Variants in RASSF3 observed in about 807,000 individuals in gnomAD.
RASSF3 encodes ras association domain-containing protein 3.
Under a neutral mutation model 19.9 loss-of-function variants are expected in RASSF3, and 19 were observed. The observed-to-expected ratio is 0.96, with a 90% CI of 0.67 to 1.40. The LOEUF (loss-of-function observed/expected upper bound fraction) is 1.40. RASSF3 is among the 40% of genes most tolerant of loss of function. The pLI, the probability that RASSF3 is intolerant of heterozygous loss-of-function variation, is 0.00. For synonymous variants in RASSF3, 110 were observed against 104.2 expected (o/e 1.06, Z -0.34); for missense variants, 306 against 289.8 (o/e 1.06, Z -0.41).
intron 1 of RASSF3, among the ~76,000 whole-genome samples, chr12:64,615,695 G>C (rs1042795492): frequency 2.7e-5 from 4 of 149,054 alleles, no homozygotes; most frequent in Non-Finnish European, 4.4e-5. Context: ...TTTTTTTTGA[G>C]ACGGAGTTTC....
chr12:64,660,036 A>G (rs1872295551), intron 1 of RASSF3, among the ~76,000 whole-genome samples: 1 of 93,272 alleles, frequency 1.1e-5, no homozygotes, highest in Admixed American at 1.0e-4. Flanking sequence ...GTATGTGTAT[A>G]TATATGTGTG....
At chr12:64,560,324 G>A (rs139406088) in intron 2 of RASSF3, among the ~76,000 whole-genome samples, 30 of 152,340 alleles carry the variant, frequency 2.0e-4, no homozygotes, top group African/African-American at 7.0e-4. Flanking sequence ...TCCACTGCAG[G>A]AGAGGAGGAC....
intron 1 of RASSF3, among the ~76,000 whole-genome samples, chr12:64,509,306 C>T (rs539733221): frequency 8.6e-5 from 13 of 152,028 alleles, no homozygotes; most frequent in African/African-American, 2.7e-4. Flanking sequence ...AAAAATTAGC[C>T]GGGTGTGGTG....
chr12:64,529,560 TC>T (rs1285934986), upstream of RASSF3, among the ~76,000 whole-genome samples: 1 of 152,212 alleles, frequency 6.6e-6, no homozygotes, highest in East Asian at 1.9e-4. Flanking sequence ...GAGAAGACTT[TC>T]CTGGCAATGG....
chr12:64,604,296 T>G (rs1193146367), intron 2 of RASSF3, among the ~76,000 whole-genome samples: 1 of 152,018 alleles, frequency 6.6e-6, no homozygotes, highest in East Asian at 1.9e-4. Flanking sequence ...CGGCTAATTT[T>G]TGTATCTTTT....
Position 64,688,328 on chromosome 12 carries a change from A to G in RASSF3, c.332A>G (p.Asn111Ser). The stretch of plus-strand genomic sequence containing the variant: ...TCTCCCAGTAGCAATGGCTGTATGA[A>G]TACACTTCATATCAGCAGCACAAAC... The part of the protein sequence containing the change: ...KLSPSSNGCM[N>S]TLHISSTNTV... The change falls in exon 3 of 5, where the codon AAT becomes AGT. Residue 111 changes from asparagine (N) to serine (S), a missense_variant. Coordinates refer to ENST00000542104, the MANE Select transcript of RASSF3 (RefSeq NM_178169.4). The G allele has an allele frequency of 1.2e-6, 2 of 1,614,124 alleles. No homozygotes were observed. The highest frequency in any genetic ancestry group is 1.7e-6 in the Non-Finnish European group (2 of 1,179,998).
At chr12:64,626,029 T>C (rs947983497) in intron 1 of RASSF3, among the ~76,000 whole-genome samples, 1 of 152,098 alleles carries the variant, frequency 6.6e-6, no homozygotes, top group African/African-American at 2.4e-5. Flanking sequence ...CCTCCTTTGG[T>C]TGTATGTTTC....
intron 1 of RASSF3, among the ~76,000 whole-genome samples, chr12:64,520,555 C>CACACACATATAT (rs1435123674): frequency 2.8e-4 from 24 of 86,358 alleles, no homozygotes; most frequent in African/African-American, 8.6e-4. Context: ...CACATACACA[C>CACACACATATAT]ATATATATAT....
chr12:64,634,133 G>GCAAA (rs1871251212), intron 1 of RASSF3, among the ~76,000 whole-genome samples: 1 of 152,002 alleles, frequency 6.6e-6, no homozygotes, highest in South Asian at 2.1e-4. Context: ...CCTGTATCAA[G>GCAAA]CAAACAAACA....
chr12:64,584,668 T>C (rs1869763460), intron 2 of RASSF3, among the ~76,000 whole-genome samples: 1 of 152,098 alleles, frequency 6.6e-6, no homozygotes, highest in Admixed American at 6.6e-5. Flanking sequence ...TCAGCCAAAG[T>C]GTCTAAGAAA....
At chr12:64,645,050 G>A (rs1871682378) in intron 1 of RASSF3, among the ~76,000 whole-genome samples, 2 of 152,152 alleles carry the variant, frequency 1.3e-5, no homozygotes, top group Admixed American at 6.6e-5. Context: ...GACAGCCTGA[G>A]GACTTTCTTA....
At position 64,647,691 on chromosome 12, in the gene RASSF3, A is replaced by G. The variant is rs553673290; in HGVS notation, c.111+36948A>G. Among the ~76,000 whole-genome samples the G allele has an allele frequency of 5.9e-4, 90 of 152,116 alleles. 2 individuals are homozygous for G. The East Asian group carries it at 0.013, about 22-fold the overall frequency. On this transcript the variant is annotated intron_variant, in intron 1 of 4. Coordinates refer to ENST00000542104, the MANE Select transcript of RASSF3 (RefSeq NM_178169.4). ...CTCCCAAAGTGCTGGGATTACAGGC[A>G]TGAACCACCGCGCCCGGCCCCGGCC...
chr12:64,586,847 C>G (rs575053413), intron 2 of RASSF3, among the ~76,000 whole-genome samples: 3 of 150,982 alleles, frequency 2.0e-5, no homozygotes, highest in African/African-American at 7.3e-5. Flanking sequence ...CGCTTGAACA[C>G]GGGAGGTGGA....
At chr12:64,584,475 T>C (rs1869757909) in intron 2 of RASSF3, among the ~76,000 whole-genome samples, 1 of 142,692 alleles carries the variant, frequency 7.0e-6, no homozygotes, top group Admixed American at 7.4e-5. Flanking sequence ...AAGGTCTTGC[T>C]GCCTTCTACA....
chr12:64,679,032 A>G (rs1000413683), intron 1 of RASSF3, among the ~76,000 whole-genome samples: 2 of 152,202 alleles, frequency 1.3e-5, no homozygotes, highest in Admixed American at 6.5e-5. Flanking sequence ...TGATAGGGCC[A>G]CATTCACCTT....
At chr12:64,668,915 C>T (rs1286934164) in intron 1 of RASSF3, among the ~76,000 whole-genome samples, 2 of 151,288 alleles carry the variant, frequency 1.3e-5, no homozygotes, top group African/African-American at 4.9e-5. Flanking sequence ...GTGATCTGCC[C>T]GCCTCGGCCT....
intron 2 of RASSF3, among the ~76,000 whole-genome samples, chr12:64,547,604 G>A (rs1869090593): frequency 6.6e-6 from 1 of 150,624 alleles, no homozygotes; most frequent in African/African-American, 2.5e-5. Context: ...AGGAAGGACG[G>A]AAGGAAGGAA....
chr12:64,533,847 G>C (rs2136111043), intron 1 of RASSF3, among the ~76,000 whole-genome samples: 1 of 152,346 alleles, frequency 6.6e-6, no homozygotes, highest in South Asian at 2.1e-4. Context: ...ATTGTGGGAG[G>C]TGCCCAGGTA....
intron 1 of RASSF3, among the ~76,000 whole-genome samples, chr12:64,644,209 T>C (rs1253150051): frequency 6.6e-6 from 1 of 152,128 alleles, no homozygotes; most frequent in African/African-American, 2.4e-5. Context: ...GAACCAGAAA[T>C]ATTCTAAATA....
Sources: gnomAD v4.1 joint callset for allele counts (sites outside exome capture counted in the v4.1 genomes callset) on GRCh38, gnomAD v4.1.1 for gene constraint, MANE v1.5 for transcripts, NCBI Gene and HGNC (gene_info 2026-07-23, HGNC 2026-07-21) for gene names.